ELMO1: variants seen among roughly 807,000 people sequenced by gnomAD.
ELMO1 encodes the protein engulfment and cell motility protein 1.
In ELMO1, 26 loss-of-function variants were observed where a neutral mutation model predicts 98.9. The observed-to-expected ratio is 0.26, with a 90% CI of 0.19 to 0.36. The LOEUF (loss-of-function observed/expected upper bound fraction) is 0.36. ELMO1 is among the 10% of genes least tolerant of loss of function. The probability of loss-of-function intolerance (pLI) is 1.00; values close to 1 mark genes in which losing one functional copy is unlikely to be tolerated. For synonymous variants in ELMO1, 346 were observed against 346.0 expected (o/e 1.00, Z 0.00); for missense variants, 627 against 935.2 (o/e 0.67, Z 4.30).
rs1554290695 is a variant in ELMO1 at position 37,293,725 on chromosome 7, AAT to A, written c.192+21123_192+21124del. On this transcript the variant is annotated intron_variant, in intron 4 of 21. Transcript: ENST00000310758. ...CCCAAGAATGATCAATAAAAAAAAA[AAT>A]AATAATAATAATAAAAAAAAAGAGT... is the stretch of plus-strand genomic sequence containing the variant. Among the ~76,000 whole-genome samples, 581 of 85,030 alleles carry A rather than the reference AAT, an allele frequency of 6.8e-3. 26 individuals are homozygous for A. Among genetic ancestry groups the A allele is most frequent in the African/African-American group, 0.019 (537 of 28,372 alleles). The allele number at this position is 85,030 out of a possible 152,430, so 55.8% of individuals were successfully genotyped here.
chr7:37,070,552 AG>A (rs1797215054), intron 15 of ELMO1, among the ~76,000 whole-genome samples: 2 of 152,202 alleles, frequency 1.3e-5, no homozygotes, highest in African/African-American at 4.8e-5. Flanking sequence ...CTGGGATAAC[AG>A]CTGTAAATTG....
At chr7:37,374,805 G>A (rs553122149) in intron 1 of ELMO1, among the ~76,000 whole-genome samples, 1 of 152,090 alleles carries the variant, frequency 6.6e-6, no homozygotes, top group Non-Finnish European at 1.5e-5. Context: ...GCTCACGCCT[G>A]TAATCTCAGC....
At chr7:37,359,743 C>A (rs371764623) in intron 1 of ELMO1, among the ~76,000 whole-genome samples, 1 of 152,188 alleles carries the variant, frequency 6.6e-6, no homozygotes, top group Non-Finnish European at 1.5e-5. Context: ...CGAGTAAGAG[C>A]GTGGCACATT....
At chr7:37,024,788 C>T (rs956359593) in intron 15 of ELMO1, among the ~76,000 whole-genome samples, 7 of 152,166 alleles carry the variant, frequency 4.6e-5, no homozygotes, top group African/African-American at 1.7e-4. Context: ...TAAAATGTTA[C>T]ACAGAATACA....
At chr7:37,386,346 G>T (rs1468701613) in intron 1 of ELMO1, among the ~76,000 whole-genome samples, 2 of 151,832 alleles carry the variant, frequency 1.3e-5, no homozygotes. Flanking sequence ...TCCTGCCTAG[G>T]GAGACCACAG....
chr7:36,870,450 C>T lies in ELMO1; in HGVS notation c.1848G>A (p.Val616=). 1 of 1,613,960 alleles carries T rather than the reference C, an allele frequency of 6.2e-7. No individual in the cohort carries two copies. Among genetic ancestry groups the T allele is most frequent in the Non-Finnish European group, 8.5e-7 (1 of 1,179,958 alleles). ...TATGAGGGCAGTCCTTTCCCGTCAC[C>T]ACGGCTTTGATATCTGCCACCGGCA... is the stretch of plus-strand genomic sequence containing the variant. The part of the protein sequence containing the change: ...DKLPVADIKA[V]VTGKDCPHMK... The change falls in exon 20 of 22, where the codon GTG becomes GTA. Residue 616 remains valine (V), a synonymous_variant. Coordinates refer to ENST00000310758, the MANE Select transcript of ELMO1 (RefSeq NM_014800.11). This position sits in a 1 kb window ranked among gnomAD's most constrained non-coding sequence, Gnocchi z 4.4.
At chr7:37,178,634 A>G (rs1199802547) in intron 13 of ELMO1, among the ~76,000 whole-genome samples, 1 of 151,608 alleles carries the variant, frequency 6.6e-6, no homozygotes, top group Non-Finnish European at 1.5e-5. Context: ...AAAAAACAGT[A>G]TTAGCACCAT....
At chr7:37,404,523 C>G (rs4723647) in intron 1 of ELMO1, among the ~76,000 whole-genome samples, 1 of 152,040 alleles carries the variant, frequency 6.6e-6, no homozygotes, top group African/African-American at 2.4e-5. Context: ...TCCATGTTAA[C>G]GGAAGTAACA....
intron 18 of ELMO1, among the ~76,000 whole-genome samples, chr7:36,879,838 G>C (rs1804282099): frequency 1.3e-5 from 2 of 152,184 alleles, no homozygotes; most frequent in African/African-American, 4.8e-5. Context: ...CATTTTTCTG[G>C]GAGAGCATTT....
At chr7:37,432,397 A>G (rs530409570) in intron 1 of ELMO1, among the ~76,000 whole-genome samples, 1 of 152,320 alleles carries the variant, frequency 6.6e-6, no homozygotes, top group African/African-American at 2.4e-5. Flanking sequence ...ACGTGGTTCC[A>G]AAGGCCTGAA....
chr7:37,410,701 A>C (rs1282543625), intron 1 of ELMO1, among the ~76,000 whole-genome samples: 1 of 152,252 alleles, frequency 6.6e-6, no homozygotes, highest in African/African-American at 2.4e-5. Context: ...CAATGAGAAA[A>C]ACTAGGGCCC....
intron 13 of ELMO1, among the ~76,000 whole-genome samples, chr7:37,152,477 A>C: frequency 6.6e-6 from 1 of 150,908 alleles, no homozygotes; most frequent in East Asian, 1.9e-4. Flanking sequence ...TTCAAACCTC[A>C]ACAGTAACAG....
At chr7:37,204,462 G>A (rs1792488095) in intron 13 of ELMO1, among the ~76,000 whole-genome samples, 1 of 152,140 alleles carries the variant, frequency 6.6e-6, no homozygotes. Context: ...GAATGAAGCT[G>A]CAGACCTTCG....
At chr7:37,192,284 C>T (rs2130173289) in intron 13 of ELMO1, among the ~76,000 whole-genome samples, 1 of 151,408 alleles carries the variant, frequency 6.6e-6, no homozygotes, top group Non-Finnish European at 1.5e-5. Context: ...ATCATGAAGT[C>T]AAGAGATCGA....
At chr7:37,448,063 G>C (rs1805718203) in intron 1 of ELMO1, among the ~76,000 whole-genome samples, 1 of 151,872 alleles carries the variant, frequency 6.6e-6, no homozygotes, top group Non-Finnish European at 1.5e-5. Context: ...AGAACCTCAG[G>C]GGCTCCCGGC....
At chr7:37,019,523 C>T (rs188922051) in intron 15 of ELMO1, among the ~76,000 whole-genome samples, 13 of 152,248 alleles carry the variant, frequency 8.5e-5, no homozygotes, top group African/African-American at 2.9e-4. Flanking sequence ...CCAGGCTACA[C>T]GTTTATACAC....
intron 15 of ELMO1, among the ~76,000 whole-genome samples, chr7:37,015,432 C>G (rs1434445989): frequency 6.6e-6 from 1 of 151,494 alleles, no homozygotes; most frequent in Non-Finnish European, 1.5e-5. Context: ...GAAATCCTGT[C>G]TCTACTAAAA....
At chr7:37,347,716 T>A (rs763040777) in intron 1 of ELMO1, among the ~76,000 whole-genome samples, 19 of 151,898 alleles carry the variant, frequency 1.3e-4, no homozygotes, top group Non-Finnish European at 2.2e-4. Flanking sequence ...AATTACCCAA[T>A]CTCCCGTATG....
At chr7:36,989,508 G>T (rs1460819931) in intron 16 of ELMO1, among the ~76,000 whole-genome samples, 1 of 152,178 alleles carries the variant, frequency 6.6e-6, no homozygotes, top group Non-Finnish European at 1.5e-5. Flanking sequence ...AGATGTTTTT[G>T]TAAAGGAGGA....
Sources: allele counts gnomAD v4.1 joint callset (sites outside exome capture counted in the v4.1 genomes callset), GRCh38; gene constraint gnomAD v4.1.1; non-coding constraint Gnocchi (gnomAD v3.1); transcripts MANE v1.5; gene names NCBI Gene and HGNC (gene_info 2026-07-23, HGNC 2026-07-21).